DLG2: variants seen among roughly 807,000 people sequenced by gnomAD.
DLG2 encodes disks large homolog 2.
In DLG2, 45 loss-of-function variants were observed where a neutral mutation model predicts 132.5. The ratio of observed to expected loss-of-function variants is 0.34; its 90% confidence interval spans 0.27 to 0.44. The LOEUF (loss-of-function observed/expected upper bound fraction) is 0.44. Ranked by LOEUF, DLG2 falls within the 20% of genes least tolerant of loss-of-function variation. DLG2 has a pLI of 1.00. For synonymous variants in DLG2, 424 were observed against 419.6 expected, an observed-to-expected ratio of 1.01 and a Z score of -0.13; for missense variants, 1,045 against 1,196.9, an observed-to-expected ratio of 0.87 and a Z score of 1.87.
chr11:83,673,269 A>T (rs2077135690), intron 18 of DLG2, among the ~76,000 whole-genome samples: 1 of 152,226 alleles, frequency 6.6e-6, no homozygotes. Flanking sequence ...AATCATTAAT[A>T]AATAGGCTCG....
chr11:85,374,596 G>A (rs548266302), intron 3 of DLG2, among the ~76,000 whole-genome samples: 12 of 152,048 alleles, frequency 7.9e-5, no homozygotes, highest in East Asian at 3.9e-4. Flanking sequence ...TGATCTACCC[G>A]CCTCAGCCTC....
chr11:83,613,015 G>A (rs1244199795), intron 19 of DLG2, among the ~76,000 whole-genome samples: 2 of 152,314 alleles, frequency 1.3e-5, no homozygotes, highest in African/African-American at 2.4e-5. Context: ...CCATTTTCAC[G>A]TGGAAACAGA....
intron 19 of DLG2, among the ~76,000 whole-genome samples, chr11:83,606,856 G>A (rs1037772309): frequency 3.3e-5 from 5 of 152,144 alleles, no homozygotes; most frequent in Non-Finnish European, 5.9e-5. Flanking sequence ...GAACCCGGGA[G>A]GCGGAGCTTG....
At chr11:85,483,967 G>T (rs2093361449) in intron 3 of DLG2, among the ~76,000 whole-genome samples, 1 of 151,868 alleles carries the variant, frequency 6.6e-6, no homozygotes, top group African/African-American at 2.4e-5. Context: ...GATGCAAATT[G>T]GCCCGGGTCT....
chr11:84,676,655 G>A (rs1319852736), intron 6 of DLG2, among the ~76,000 whole-genome samples: 1 of 152,164 alleles, frequency 6.6e-6, no homozygotes, highest in Non-Finnish European at 1.5e-5. Context: ...GTGAAGCAAC[G>A]TGTACCTGAT....
rs138508996 is a variant in DLG2, at chr11:83,705,491, T to C, written c.1826-72166A>G. Among the ~76,000 whole-genome samples, 1,216 of 152,274 alleles carry C rather than the reference T, an allele frequency of 8.0e-3. 18 individuals are homozygous for C. Among genetic ancestry groups the C allele is most frequent in the African/African-American group, 0.028 (1,170 of 41,550 alleles). On this transcript the variant is annotated intron_variant, in intron 18 of 27. Transcript: ENST00000376104. ...CACCTCCAGAATAATATACTAGATATAATAGGTTTTTAAACTGATGACTCA... is the reference window on the plus strand; with the variant it reads ...CACCTCCAGAATAATATACTAGATACAATAGGTTTTTAAACTGATGACTCA...
At chr11:83,582,960 G>C (rs1011934351) in intron 19 of DLG2, among the ~76,000 whole-genome samples, 2 of 152,088 alleles carry the variant, frequency 1.3e-5, no homozygotes, top group African/African-American at 4.8e-5. Flanking sequence ...GATTCAAAGC[G>C]GCAAAGTGAC....
At chr11:85,083,535 T>C (rs766534402) in intron 6 of DLG2, among the ~76,000 whole-genome samples, 23 of 152,196 alleles carry the variant, frequency 1.5e-4, no homozygotes, top group Non-Finnish European at 2.2e-4. Context: ...CTTGGTTTTA[T>C]ATGTTTTAGG....
rs139538974 is a variant in DLG2 at position 84,124,417 on chromosome 11, G to A, written c.625-25370C>T. On this transcript the variant is annotated intron_variant, in intron 9 of 27. Coordinates refer to ENST00000376104, the MANE Select transcript of DLG2 (RefSeq NM_001142699.3). ...TGATTCTAAAGAACCTCATTCTCAC[G>A]CTTCTATCATATCAGTTGCTACATA... Among the ~76,000 whole-genome samples the A allele has an allele frequency of 3.4e-3, 518 of 152,250 alleles. 9 individuals are homozygous for A. The highest frequency in any genetic ancestry group is 0.032 in the Admixed American group (492 of 15,288).
chr11:84,027,659 T>TTGATATTACCATTCACTTATTAACTCTCA (rs2095574041), intron 11 of DLG2, among the ~76,000 whole-genome samples: 1 of 152,034 alleles, frequency 6.6e-6, no homozygotes. Flanking sequence ...GGATAAATGA[T>TTGATATTACCATTCACTTATTAACTCTCA]TGATATTACC....
At chr11:84,650,718 T>A (rs2099680485) in intron 6 of DLG2, among the ~76,000 whole-genome samples, 1 of 151,900 alleles carries the variant, frequency 6.6e-6, no homozygotes, top group South Asian at 2.1e-4. Context: ...ACTTTTTCAA[T>A]AATATGCTTC....
chr11:84,426,048 A>T (rs2098965433), intron 7 of DLG2, among the ~76,000 whole-genome samples: 1 of 152,156 alleles, frequency 6.6e-6, no homozygotes, highest in Non-Finnish European at 1.5e-5. Flanking sequence ...ATGAAAGATT[A>T]TCAATACCAC....
chr11:84,261,197 C>T (rs1483060699), intron 7 of DLG2, among the ~76,000 whole-genome samples: 9 of 152,208 alleles, frequency 5.9e-5, no homozygotes, highest in Non-Finnish European at 1.5e-5. Context: ...GTTTTATACA[C>T]AATGTGGGAT....
chr11:84,002,530 C>G (rs546703619), intron 11 of DLG2, among the ~76,000 whole-genome samples: 1 of 152,228 alleles, frequency 6.6e-6, no homozygotes, highest in Admixed American at 6.5e-5. Context: ...ATCTGTGTAC[C>G]CACAGGCTCA....
chr11:85,559,045 T>C (rs2077079616), intron 3 of DLG2, among the ~76,000 whole-genome samples: 1 of 151,900 alleles, frequency 6.6e-6, no homozygotes, highest in Admixed American at 6.6e-5. Flanking sequence ...TGAAATTCAA[T>C]TTAGAAATAG....
chr11:85,013,856 G>A (rs1386002771), intron 6 of DLG2, among the ~76,000 whole-genome samples: 4 of 152,024 alleles, frequency 2.6e-5, no homozygotes, highest in Non-Finnish European at 4.4e-5. Flanking sequence ...ATAGCAAAAT[G>A]GTTATTTTTT....
intron 3 of DLG2, among the ~76,000 whole-genome samples, chr11:85,353,921 G>A (rs765449565): frequency 6.6e-6 from 1 of 151,796 alleles, no homozygotes; most frequent in Non-Finnish European, 1.5e-5. Context: ...ACACCAACAT[G>A]GCGCATGTAT....
intron 6 of DLG2, among the ~76,000 whole-genome samples, chr11:84,812,367 G>A (rs1288155101): frequency 6.6e-6 from 1 of 152,140 alleles, no homozygotes; most frequent in East Asian, 1.9e-4. Context: ...GGTCAGAGAT[G>A]AGTCAACAAC....
chr11:84,350,512 C>T (rs938050566), intron 7 of DLG2, among the ~76,000 whole-genome samples: 3 of 152,170 alleles, frequency 2.0e-5, no homozygotes, highest in Non-Finnish European at 4.4e-5. Context: ...GTTCCTTCAG[C>T]TAACCACCAT....
Sources: allele counts gnomAD v4.1 joint callset (sites outside exome capture counted in the v4.1 genomes callset), GRCh38; gene constraint gnomAD v4.1.1; transcripts MANE v1.5; gene names NCBI Gene and HGNC (gene_info 2026-07-23, HGNC 2026-07-21).